The following CELF2 variants were observed in gnomAD, a reference collection of about 807,000 sequenced individuals.
The protein encoded by CELF2 is CUGBP Elav-like family member 2.
CELF2 carries 8 observed loss-of-function variants against 62.6 expected under a neutral mutation model. That is an observed-to-expected ratio of 0.13 (90% CI 0.07 to 0.23). The LOEUF (loss-of-function observed/expected upper bound fraction) is 0.23, where lower values mean the gene tolerates loss of function less well. CELF2 is among the 10% of genes least tolerant of loss of function. CELF2 has a pLI of 1.00. For missense variants in CELF2, 333 were observed against 671.0 expected (o/e 0.50, Z 5.56); for synonymous variants, 258 against 250.0 (o/e 1.03, Z -0.30).
intron 2 of CELF2, among the ~76,000 whole-genome samples, chr10:10,974,136 C>T (rs1164768800): frequency 6.6e-6 from 1 of 152,162 alleles, no homozygotes; most frequent in Non-Finnish European, 1.5e-5. Flanking sequence ...ATAGAAATAT[C>T]TACCTTACAA....
the CELF2 span, among the ~76,000 whole-genome samples, chr10:10,558,709 C>G: frequency 3.3e-5 from 5 of 152,154 alleles, no homozygotes; most frequent in African/African-American, 4.8e-5. Flanking sequence ...GCCACAATTT[C>G]AGCTCCTGTT....
intron 1 of CELF2, among the ~76,000 whole-genome samples, chr10:11,086,615 C>T (rs1291806): frequency 0.63 from 84,032 of 133,396 alleles, 27,996 homozygotes; most frequent in African/African-American, 0.86. Context: ...AAAAAACTCC[C>T]GACAGCACCA....
At chr10:10,937,054 A>T (rs2046473587) in intron 2 of CELF2, among the ~76,000 whole-genome samples, 1 of 152,020 alleles carries the variant, frequency 6.6e-6, no homozygotes, top group Non-Finnish European at 1.5e-5. Context: ...CATCTCAATA[A>T]AAATGAATGA....
At chr10:11,279,791 G>A (rs1400704813) in intron 8 of CELF2, among the ~76,000 whole-genome samples, 5 of 152,138 alleles carry the variant, frequency 3.3e-5, no homozygotes, top group East Asian at 3.9e-4. Context: ...GCATCTGTTT[G>A]GTACATAATT....
Position 11,211,806 on chromosome 10 carries a change from G to A in CELF2, c.272-5619G>A, listed in dbSNP as rs1035359326. On this transcript the variant is annotated intron_variant, in intron 2 of 12. Transcript: ENST00000633077. This position sits in a 1 kb window ranked among gnomAD's most constrained non-coding sequence, Gnocchi z 4.8. Reference sequence around the variant, plus strand: ...TGTATGTGTGTGAGAGAGAGAGAGAGAGAGAGAGTGTGTGTGTGTGTGTGT... The same window carrying A: ...TGTATGTGTGTGAGAGAGAGAGAGAAAGAGAGAGTGTGTGTGTGTGTGTGT... Among the ~76,000 whole-genome samples, 2 of 119,182 alleles carry A rather than the reference G, an allele frequency of 1.7e-5. No homozygotes were observed. The highest frequency in any genetic ancestry group is 4.3e-4 in the East Asian group (2 of 4,614). The allele number at this position is 119,182 out of a possible 152,430, so 78.2% of individuals were successfully genotyped here. A position where few individuals can be genotyped will look rare whatever the true frequency, so the allele number is the denominator to read the frequency against.
At chr10:11,025,563 C>T (rs1370740508) in intron 1 of CELF2, among the ~76,000 whole-genome samples, 1 of 152,132 alleles carries the variant, frequency 6.6e-6, no homozygotes, top group South Asian at 2.1e-4. Flanking sequence ...TCTCCCCAGT[C>T]ATGCTTAACT....
chr10:10,843,596 A>G (rs1383480006), intron 1 of CELF2, among the ~76,000 whole-genome samples: 1 of 151,960 alleles, frequency 6.6e-6, no homozygotes, highest in Non-Finnish European at 1.5e-5. Context: ...AATGGGATCT[A>G]TCTTGGTGAA....
rs577843821 is a variant in CELF2, at chr10:11,023,652, T to A, written c.74+5489T>A. On this transcript the variant is annotated intron_variant, in intron 1 of 12. Coordinates refer to ENST00000633077, the MANE Select transcript of CELF2 (RefSeq NM_001326342.2). ...GAAAGGGGAAGACATTGAGGGAGATTTTGAACAGCTTCACTCTCCCCATTT... is the reference window on the plus strand; with the variant it reads ...GAAAGGGGAAGACATTGAGGGAGATATTGAACAGCTTCACTCTCCCCATTT... Among the ~76,000 whole-genome samples, 242 of 152,354 alleles carry A rather than the reference T, an allele frequency of 1.6e-3. 1 individual carries two copies. Among genetic ancestry groups the A allele is most frequent in the African/African-American group, 5.6e-3 (233 of 41,576 alleles).
At chr10:10,576,780 G>A in the CELF2 span, among the ~76,000 whole-genome samples, 1 of 152,154 alleles carries the variant, frequency 6.6e-6, no homozygotes, top group Non-Finnish European at 1.5e-5. Flanking sequence ...CTTGTACAGT[G>A]TGTGGTACAT....
chr10:11,314,072 A>C lies in CELF2; in HGVS notation c.977-67A>C. ...CGTCCACTGAGATGATGACAGAAGG[A>C]TTTCCAGTCTCGGCTCTCACTCACC... On this transcript the variant is annotated intron_variant, in intron 9 of 12. Transcript: ENST00000633077. The surrounding 1 kb of genome is among the most constrained non-coding windows in gnomAD (Gnocchi z 5.3). 1.3e-6 allele frequency: 2 copies of C among 1,491,024 alleles called. No homozygotes were observed. Among genetic ancestry groups the C allele is most frequent in the South Asian group, 2.5e-5 (2 of 81,136 alleles). The allele number at this position is 1,491,024 out of a possible 1,614,324, so 92.4% of individuals were successfully genotyped here.
chr10:11,312,274 G>C (rs937023235), intron 9 of CELF2, among the ~76,000 whole-genome samples: 1 of 152,118 alleles, frequency 6.6e-6, no homozygotes, highest in Non-Finnish European at 1.5e-5. Flanking sequence ...AAGCTGTATT[G>C]GATATAACTT....
the CELF2 span, among the ~76,000 whole-genome samples, chr10:10,482,428 G>T: frequency 6.6e-6 from 1 of 152,164 alleles, no homozygotes; most frequent in Non-Finnish European, 1.5e-5. Context: ...GGAGTTGGCT[G>T]TAAATGGTCA....
rs576488469 is a variant in CELF2, at chr10:11,057,256, AG to A, written c.74+39094del. 5.1e-4 allele frequency among the ~76,000 whole-genome samples: 73 copies of A among 143,220 alleles called. 1 individual carries two copies. Among genetic ancestry groups the A allele is most frequent in the African/African-American group, 1.9e-3 (71 of 38,044 alleles). The allele number at this position is 143,220 out of a possible 152,430, so 94.0% of individuals were successfully genotyped here. A position where few individuals can be genotyped will look rare whatever the true frequency, so the allele number is the denominator to read the frequency against. On this transcript the variant is annotated intron_variant, in intron 1 of 12. Coordinates refer to ENST00000633077, the MANE Select transcript of CELF2 (RefSeq NM_001326342.2). ...CATACGAGGTGCGCCTGCCTGTGAG[AG>A]CGATGCCTGGGCCTCTAGAGGGGTA...
intron 1 of CELF2, among the ~76,000 whole-genome samples, chr10:11,080,500 C>T (rs915739553): frequency 6.6e-6 from 1 of 152,218 alleles, no homozygotes; most frequent in Non-Finnish European, 1.5e-5. Context: ...AATGGATTCA[C>T]TGATGGCTAC....
At chr10:10,916,766 G>A (rs1275590618) in intron 1 of CELF2, among the ~76,000 whole-genome samples, 1 of 151,758 alleles carries the variant, frequency 6.6e-6, no homozygotes, top group African/African-American at 2.4e-5. Flanking sequence ...GCGCGTGCCA[G>A]CACACCCGGC....
chr10:11,019,263 A>G (rs986151470), intron 1 of CELF2, among the ~76,000 whole-genome samples: 3 of 152,198 alleles, frequency 2.0e-5, no homozygotes, highest in African/African-American at 7.2e-5. Flanking sequence ...CGACATTTTA[A>G]GTTTTCTCTG....
At chr10:10,492,638 T>G in the CELF2 span, among the ~76,000 whole-genome samples, 3 of 152,174 alleles carry the variant, frequency 2.0e-5, no homozygotes, top group Non-Finnish European at 2.9e-5. Flanking sequence ...ACAGCAGCAT[T>G]ATTCACAATA....
the CELF2 span, among the ~76,000 whole-genome samples, chr10:10,768,193 G>A: frequency 6.6e-6 from 1 of 150,564 alleles, no homozygotes; most frequent in Non-Finnish European, 1.5e-5. Flanking sequence ...CAAAAAACTT[G>A]CCAGCCCCTG....
chr10:10,763,692 G>A, the CELF2 span, among the ~76,000 whole-genome samples: 270 of 152,314 alleles, frequency 1.8e-3, 2 homozygotes, highest in South Asian at 0.013. Context: ...CGGGAACAGA[G>A]GGTCCCTGTA....
Sources: allele counts gnomAD v4.1 joint callset (sites outside exome capture counted in the v4.1 genomes callset), GRCh38; gene constraint gnomAD v4.1.1; non-coding constraint Gnocchi (gnomAD v3.1); transcripts MANE v1.5; gene names NCBI Gene and HGNC (gene_info 2026-07-23, HGNC 2026-07-21).